PKN2: variants seen among roughly 807,000 people sequenced by gnomAD.
The protein encoded by PKN2 is serine/threonine-protein kinase N2.
PKN2 carries 38 observed loss-of-function variants against 119.1 expected under a neutral mutation model. The observed-to-expected ratio is 0.32, with a 90% CI of 0.25 to 0.42. The LOEUF is 0.42. PKN2 is among the 10% of genes least tolerant of loss of function. The probability of loss-of-function intolerance (pLI) is 1.00; values close to 1 mark genes in which losing one functional copy is unlikely to be tolerated. For missense variants in PKN2, 850 were observed against 1,165.1 expected, an observed-to-expected ratio of 0.73 and a Z score of 3.94; for synonymous variants, 390 against 384.9, an observed-to-expected ratio of 1.01 and a Z score of -0.15.
chr1:88,798,522 A>G (rs765912199), intron 8 of PKN2, among the ~76,000 whole-genome samples: 1 of 152,214 alleles, frequency 6.6e-6, no homozygotes, highest in Non-Finnish European at 1.5e-5. Context: ...GAACTAAAAA[A>G]TAGGAAATAT....
chr1:88,691,172 G>A (rs1296112438), intron 1 of PKN2, among the ~76,000 whole-genome samples: 1 of 151,760 alleles, frequency 6.6e-6, no homozygotes, highest in Non-Finnish European at 1.5e-5. Context: ...CAAGTGATTC[G>A]CCCATCTCAG....
At chr1:88,716,385 C>T (rs538315305) in intron 1 of PKN2, among the ~76,000 whole-genome samples, 2 of 152,298 alleles carry the variant, frequency 1.3e-5, no homozygotes, top group East Asian at 3.9e-4. Flanking sequence ...CTAATGTTGA[C>T]ACTGGGGTGT....
At chr1:88,749,383 GAC>G (rs1196772500) in intron 2 of PKN2, among the ~76,000 whole-genome samples, 3 of 138,898 alleles carry the variant, frequency 2.2e-5, no homozygotes, top group Non-Finnish European at 4.5e-5. Context: ...CCAGCCCGGC[GAC>G]AGTGCGAGAC....
rs970432417 is a variant in PKN2 at position 88,815,336 on chromosome 1, T to C, written c.2279+1603T>C. 3 of 222,384 alleles carry C rather than the reference T, an allele frequency of 1.3e-5. No individual in the cohort carries two copies. In the South Asian group the frequency reaches 1.6e-4, roughly 12 times the overall value. The allele number at this position is 222,384 out of a possible 1,614,324, so 13.8% of individuals were successfully genotyped here. On this transcript the variant is annotated intron_variant, in intron 16 of 21. Transcript: ENST00000370521. ...AGTACCTCCCTTTATCATTCAGTTC[T>C]CAGATCAAAGGTCATTTCTTTAAAG...
At chr1:88,699,673 TG>T (rs1666692468) in intron 1 of PKN2, among the ~76,000 whole-genome samples, 3 of 152,158 alleles carry the variant, frequency 2.0e-5, no homozygotes, top group Admixed American at 1.3e-4. Context: ...GAGAACACAA[TG>T]GTATTTGGTT....
At chr1:88,754,388 C>T (rs1669121885) in intron 2 of PKN2, among the ~76,000 whole-genome samples, 1 of 151,982 alleles carries the variant, frequency 6.6e-6, no homozygotes, top group Non-Finnish European at 1.5e-5. Context: ...CTTATAGTCG[C>T]AGAGGAAAAA....
chr1:88,713,434 A>T (rs577538783), intron 1 of PKN2, among the ~76,000 whole-genome samples: 5 of 152,278 alleles, frequency 3.3e-5, no homozygotes, highest in African/African-American at 1.2e-4. Context: ...CCTCTCCAGC[A>T]TCTGTTGTTT....
At chr1:88,778,253 C>A (rs569823707) in intron 6 of PKN2, among the ~76,000 whole-genome samples, 145 of 152,328 alleles carry the variant, frequency 9.5e-4, no homozygotes, top group Non-Finnish European at 1.7e-3. Context: ...AAATAAACTT[C>A]TAAATTGAGA....
chr1:88,748,107 G>A (rs1309270355), intron 2 of PKN2, among the ~76,000 whole-genome samples: 3 of 152,064 alleles, frequency 2.0e-5, no homozygotes, highest in African/African-American at 7.2e-5. Context: ...TTCCAAAAAA[G>A]TTAATGTGTA....
chr1:88,826,982 T>G (rs1438596325), intron 18 of PKN2, among the ~76,000 whole-genome samples: 1 of 152,082 alleles, frequency 6.6e-6, no homozygotes, highest in Non-Finnish European at 1.5e-5. Context: ...AAAAAAAAAT[T>G]TCTCCACTCC....
At chr1:88,820,426 A>G (rs1234007324) in intron 16 of PKN2, among the ~76,000 whole-genome samples, 3 of 150,488 alleles carry the variant, frequency 2.0e-5, no homozygotes, top group South Asian at 2.1e-4. Context: ...CCAGCTACTC[A>G]GGAGGCTGAG....
At chr1:88,766,943 T>C (rs1669689521) in intron 3 of PKN2, among the ~76,000 whole-genome samples, 1 of 152,158 alleles carries the variant, frequency 6.6e-6, no homozygotes, top group African/African-American at 2.4e-5. Context: ...AAAATACAAG[T>C]GCTGTTTCTT....
chr1:88,732,833 T>G (rs1668195032), intron 1 of PKN2, among the ~76,000 whole-genome samples: 1 of 152,108 alleles, frequency 6.6e-6, no homozygotes, highest in Non-Finnish European at 1.5e-5. Context: ...TATTATTCAG[T>G]CATAAATAAT....
rs1672926104 is a variant in PKN2 at position 88,835,881 on chromosome 1, A to G, written c.*2433A>G. 6.6e-6 allele frequency: 1 copy of G among 152,280 alleles called. No homozygotes were observed. The highest frequency in any genetic ancestry group is 1.5e-5 in the Non-Finnish European group (1 of 67,982). The allele number at this position is 152,280 out of a possible 1,614,324, so 9.4% of individuals were successfully genotyped here. A position where few individuals can be genotyped will look rare whatever the true frequency, so the allele number is the denominator to read the frequency against. On this transcript the variant is annotated 3_prime_UTR_variant, in exon 22 of 22. Coordinates refer to ENST00000370521, the MANE Select transcript of PKN2 (RefSeq NM_006256.4). ...ATACTTTAACTTTTCTGTGTTCAAA[A>G]TCTCAAAGACTAATTAACTTTAATA... is the stretch of plus-strand genomic sequence containing the variant.
chr1:88,817,617 G>C (rs1258377630), intron 16 of PKN2, among the ~76,000 whole-genome samples: 1 of 150,874 alleles, frequency 6.6e-6, no homozygotes, highest in Non-Finnish European at 1.5e-5. Flanking sequence ...CAGGAGGCAG[G>C]AGAATCGCTT....
rs181012587 is a variant in PKN2, at chr1:88,718,267, G to T, written c.49-22721G>T. ...AGGTGTCTCCCAGTTAGGCTACTCG[G>T]GGGTCAGGGACCCACTTGAGGAGGC... On this transcript the variant is annotated intron_variant, in intron 1 of 21. Transcript: ENST00000370521. Among the ~76,000 whole-genome samples the T allele has an allele frequency of 5.0e-3, 768 of 152,290 alleles. 3 individuals are homozygous for T. The highest frequency in any genetic ancestry group is 0.017 in the African/African-American group (723 of 41,548).
intron 2 of PKN2, among the ~76,000 whole-genome samples, chr1:88,758,113 C>T (rs1157336953): frequency 7.2e-6 from 1 of 138,426 alleles, no homozygotes; most frequent in Non-Finnish European, 1.6e-5. Context: ...ATGGTTCTTT[C>T]TGAAGTTTTA....
chr1:88,756,288 T>C (rs1018530902), intron 2 of PKN2, among the ~76,000 whole-genome samples: 9 of 152,200 alleles, frequency 5.9e-5, no homozygotes, highest in African/African-American at 2.2e-4. Flanking sequence ...GTATAAGTGC[T>C]TCCAGAGATG....
chr1:88,745,517 A>G (rs1402587474), intron 2 of PKN2, among the ~76,000 whole-genome samples: 2 of 152,188 alleles, frequency 1.3e-5, no homozygotes, highest in East Asian at 3.8e-4. Flanking sequence ...CATTAATAGC[A>G]TAAAACATAC....
Sources: gnomAD v4.1 joint callset for allele counts (sites outside exome capture counted in the v4.1 genomes callset) on GRCh38, gnomAD v4.1.1 for gene constraint, MANE v1.5 for transcripts, NCBI Gene and HGNC (gene_info 2026-07-23, HGNC 2026-07-21) for gene names.